Variants in GRM7 observed in about 807,000 individuals in gnomAD.
The protein encoded by GRM7 is metabotropic glutamate receptor 7.
GRM7 carries 35 observed loss-of-function variants against 84.5 expected under a neutral mutation model. The ratio of observed to expected loss-of-function variants is 0.41; its 90% CI spans 0.32 to 0.55. The LOEUF (loss-of-function observed/expected upper bound fraction) is 0.55, where lower values mean the gene tolerates loss of function less well. Among genes scored for constraint, GRM7 ranks in the 20% least tolerant of loss-of-function variants. The pLI, the probability that GRM7 is intolerant of heterozygous loss-of-function variation, is 0.19. For missense variants in GRM7, 1,003 were observed against 1,194.6 expected (o/e 0.84, Z 2.36); for synonymous variants, 487 against 455.1 (o/e 1.07, Z -0.89).
intron 1 of GRM7, among the ~76,000 whole-genome samples, chr3:6,944,446 T>C (rs946957175): frequency 6.6e-6 from 1 of 152,168 alleles, no homozygotes; most frequent in Non-Finnish European, 1.5e-5. Flanking sequence ...ATGGCTTTTC[T>C]TTTTAAAGTT....
At chr3:7,034,696 A>G (rs1696318751) in intron 1 of GRM7, among the ~76,000 whole-genome samples, 1 of 152,202 alleles carries the variant, frequency 6.6e-6, no homozygotes, top group South Asian at 2.1e-4. Context: ...TATTTGTGAT[A>G]AAGATCAGTA....
intron 9 of GRM7, among the ~76,000 whole-genome samples, chr3:7,690,514 G>A (rs961791933): frequency 1.3e-5 from 2 of 152,144 alleles, no homozygotes; most frequent in Non-Finnish European, 2.9e-5. Flanking sequence ...ATGTATAAAC[G>A]TGATGTCACA....
chr3:7,658,903 G>T (rs765165032), intron 8 of GRM7, among the ~76,000 whole-genome samples: 1 of 152,156 alleles, frequency 6.6e-6, no homozygotes, highest in Non-Finnish European at 1.5e-5. Context: ...AAACATGAAC[G>T]TTTTTGAAAG....
intron 1 of GRM7, among the ~76,000 whole-genome samples, chr3:6,869,986 A>G (rs543948745): frequency 3.9e-5 from 6 of 152,212 alleles, no homozygotes; most frequent in Admixed American, 3.9e-4. Flanking sequence ...GTAAAAAAGT[A>G]AAAGCTCTCT....
At chr3:7,542,310 C>T (rs1692921433) in intron 7 of GRM7, among the ~76,000 whole-genome samples, 1 of 152,180 alleles carries the variant, frequency 6.6e-6, no homozygotes, top group African/African-American at 2.4e-5. Context: ...TCCTGATCTT[C>T]TCTCAGTTTC....
At chr3:7,642,709 G>GAGAACTC (rs1428397801) in intron 8 of GRM7, among the ~76,000 whole-genome samples, 1 of 152,056 alleles carries the variant, frequency 6.6e-6, no homozygotes, top group Non-Finnish European at 1.5e-5. Flanking sequence ...TTATTCGTTG[G>GAGAACTC]AGAACTCAAA....
At chr3:7,298,889 G>A in intron 3 of GRM7, 64 bp downstream of exon 3, 1 of 1,402,332 alleles carries the variant, frequency 7.1e-7, no homozygotes, top group Non-Finnish European at 1.0e-6. Context: ...GAAAGATTAG[G>A]CTGCTGGCTG....
intron 1 of GRM7, among the ~76,000 whole-genome samples, chr3:6,995,617 G>A (rs930887204): frequency 6.6e-6 from 1 of 152,108 alleles, no homozygotes; most frequent in Non-Finnish European, 1.5e-5. Context: ...TGGTTTTGGA[G>A]CTTTATTTAA....
At chr3:7,292,625 T>G (rs547281694) in intron 2 of GRM7, among the ~76,000 whole-genome samples, 3 of 152,058 alleles carry the variant, frequency 2.0e-5, no homozygotes, top group Non-Finnish European at 4.4e-5. Flanking sequence ...ATTATCTCTG[T>G]GAAACTCTTT....
chr3:7,454,090 A>ACACACACTCTCTCTCT (rs1365192243), intron 6 of GRM7, among the ~76,000 whole-genome samples: 1 of 140,122 alleles, frequency 7.1e-6, no homozygotes, highest in African/African-American at 2.8e-5. Flanking sequence ...CTACACACAC[A>ACACACACTCTCTCTCT]CTCTCTCTCT....
intron 2 of GRM7, among the ~76,000 whole-genome samples, chr3:7,276,795 C>CTTCT (rs1699083530): frequency 1.9e-4 from 1 of 5,152 alleles, no homozygotes; most frequent in African/African-American, 8.2e-4. Context: ...TCCTTCCTTC[C>CTTCT]TTCCTTCCTT....
At chr3:7,083,056 T>C (rs1574877955) in intron 1 of GRM7, among the ~76,000 whole-genome samples, 1 of 152,158 alleles carries the variant, frequency 6.6e-6, no homozygotes, top group African/African-American at 2.4e-5. Context: ...AACAAAACAG[T>C]AGCAGGCTTT....
chr3:7,305,453 T>C lies in GRM7; in HGVS notation c.879-1045T>C, dbSNP rs1414033976. On this transcript the variant is annotated intron_variant, in intron 3 of 9. Transcript: ENST00000357716. Reference sequence around the variant, plus strand: ...TGCTGGTGCGCTGCACCCACTAACGTGTCATCTAGCATTAGGTATATCTCC... The same window carrying C: ...TGCTGGTGCGCTGCACCCACTAACGCGTCATCTAGCATTAGGTATATCTCC... Among the ~76,000 whole-genome samples the C allele has an allele frequency of 2.3e-5, 2 of 88,664 alleles. 1 individual carries two copies. The allele number at this position is 88,664 out of a possible 152,430, so 58.2% of individuals were successfully genotyped here. A position where few individuals can be genotyped will look rare whatever the true frequency, so the allele number is the denominator to read the frequency against.
At chr3:7,339,013 A>T (rs1336621628) in intron 4 of GRM7, among the ~76,000 whole-genome samples, 1 of 152,094 alleles carries the variant, frequency 6.6e-6, no homozygotes, top group African/African-American at 2.4e-5. Flanking sequence ...TCTTTCATAA[A>T]AATGTCAGAC....
At chr3:7,008,347 C>A (rs1401543731) in intron 1 of GRM7, among the ~76,000 whole-genome samples, 4 of 152,084 alleles carry the variant, frequency 2.6e-5, no homozygotes, top group East Asian at 3.9e-4. Context: ...AGGACCTGGT[C>A]CTTAAGGAAA....
intron 1 of GRM7, among the ~76,000 whole-genome samples, chr3:7,043,359 A>G (rs1304093751): frequency 3.3e-5 from 5 of 152,130 alleles, no homozygotes; most frequent in Non-Finnish European, 7.4e-5. Flanking sequence ...TGTCTCCCCA[A>G]TGCATGTAGT....
At chr3:7,239,204 T>A (rs1697460478) in intron 2 of GRM7, among the ~76,000 whole-genome samples, 1 of 152,056 alleles carries the variant, frequency 6.6e-6, no homozygotes, top group African/African-American at 2.4e-5. Context: ...TTTTGCCATA[T>A]TGTCCAGGCT....
intron 7 of GRM7, among the ~76,000 whole-genome samples, chr3:7,516,385 G>T (rs1275647718): frequency 8.2e-5 from 12 of 145,842 alleles, no homozygotes; most frequent in African/African-American, 3.1e-4. Flanking sequence ...GCTGAGGCAG[G>T]AGAATGGCGT....
intron 1 of GRM7, among the ~76,000 whole-genome samples, chr3:6,929,785 G>A (rs1008552656): frequency 6.6e-6 from 1 of 152,212 alleles, no homozygotes; most frequent in African/African-American, 2.4e-5. Flanking sequence ...GCCTGGAGGT[G>A]TGTAGGGAAG....
Sources: allele counts gnomAD v4.1 joint callset (sites outside exome capture counted in the v4.1 genomes callset), GRCh38; gene constraint gnomAD v4.1.1; transcripts MANE v1.5; gene names NCBI Gene and HGNC (gene_info 2026-07-23, HGNC 2026-07-21).